Variants in ZCCHC14 observed in about 807,000 individuals in gnomAD.
The protein encoded by ZCCHC14 is zinc finger CCHC domain-containing protein 14.
Under a neutral mutation model 85.0 loss-of-function variants are expected in ZCCHC14, and 16 were observed. That is an observed-to-expected ratio of 0.19 (90% CI 0.13 to 0.29). The LOEUF (loss-of-function observed/expected upper bound fraction) is 0.29, where lower values mean the gene tolerates loss of function less well. Among genes scored for constraint, ZCCHC14 ranks in the 10% least tolerant of loss-of-function variants. The probability of loss-of-function intolerance (pLI) is 1.00; values close to 1 mark genes in which losing one functional copy is unlikely to be tolerated. For missense variants in ZCCHC14, 1,303 were observed against 1,443.5 expected (o/e 0.90, Z 1.58); for synonymous variants, 775 against 630.7 (o/e 1.23, Z -3.43).
intron 2 of ZCCHC14, among the ~76,000 whole-genome samples, chr16:87,437,398 G>C (rs1437387806): frequency 1.3e-5 from 2 of 149,246 alleles, no homozygotes; most frequent in African/African-American, 5.0e-5. Flanking sequence ...TCACCTGAGA[G>C]AGCAGAGCCA....
chr16:87,432,213 T>C lies in ZCCHC14; in HGVS notation c.768+915A>G, dbSNP rs112486257. 4.5e-3 allele frequency among the ~76,000 whole-genome samples: 678 copies of C among 152,180 alleles called. 7 individuals are homozygous for C. The highest frequency in any genetic ancestry group is 0.017 in the Middle Eastern group (5 of 294). On this transcript the variant is annotated intron_variant, in intron 3 of 12. Transcript: ENST00000671377. ...AAGAGCAGTCAGCACTCGATGCACA[T>C]GTGGTCCAAGGAGAATGTCCCCCTG...
At chr16:87,440,799 C>T (rs571620082) in intron 2 of ZCCHC14, among the ~76,000 whole-genome samples, 4 of 151,004 alleles carry the variant, frequency 2.6e-5, no homozygotes, top group African/African-American at 4.9e-5. Flanking sequence ...TTTGTAGACA[C>T]GGGGTTTCGC....
At chr16:87,457,712 CTT>C (rs1911044016) in intron 2 of ZCCHC14, among the ~76,000 whole-genome samples, 1 of 152,168 alleles carries the variant, frequency 6.6e-6, no homozygotes, top group South Asian at 2.1e-4. Flanking sequence ...AGAGAGAAAA[CTT>C]TATAGTAATA....
rs1416455459 is a variant in ZCCHC14 at position 87,417,677 on chromosome 16, G to GGGTGCTGCCCGT, written c.1154_1165dup (p.His385_His388dup). On this transcript the variant is annotated inframe_insertion, in exon 8 of 13. Transcript: ENST00000671377. The stretch of plus-strand genomic sequence containing the variant: ...AGGCAAGGGGGCGGCGGAGCCGGCC[G>GGGTGCTGCCCGT]GGTGCTGCCCGTGGTGCTGGGCTCC... The GGGTGCTGCCCGT allele has an allele frequency of 6.2e-7, 1 of 1,611,062 alleles. No homozygotes were observed. Among genetic ancestry groups the GGGTGCTGCCCGT allele is most frequent in the East Asian group, 2.2e-5 (1 of 44,830 alleles).
At chr16:87,481,053 C>G (rs372065240) in intron 1 of ZCCHC14, among the ~76,000 whole-genome samples, 65 of 152,140 alleles carry the variant, frequency 4.3e-4, no homozygotes, top group African/African-American at 1.5e-3. Flanking sequence ...TCCAATGACA[C>G]AAGGGAACTG....
At chr16:87,445,323 C>A (rs1021658495) in intron 2 of ZCCHC14, among the ~76,000 whole-genome samples, 2 of 152,176 alleles carry the variant, frequency 1.3e-5, no homozygotes, top group African/African-American at 4.8e-5. Context: ...CCTCAGCCTC[C>A]CAAAGTGCTG....
At chr16:87,450,089 G>T (rs1334730688) in intron 2 of ZCCHC14, among the ~76,000 whole-genome samples, 1 of 152,090 alleles carries the variant, frequency 6.6e-6, no homozygotes, top group Non-Finnish European at 1.5e-5. Flanking sequence ...TCCAGCAGAC[G>T]CCCCTTCTTC....
intron 1 of ZCCHC14, among the ~76,000 whole-genome samples, chr16:87,488,201 G>A (rs1300330377): frequency 2.0e-5 from 3 of 152,106 alleles, no homozygotes; most frequent in Non-Finnish European, 4.4e-5. Context: ...AATTATCACT[G>A]ACACAAAGAA....
At chr16:87,487,302 C>T (rs1912553117) in intron 1 of ZCCHC14, among the ~76,000 whole-genome samples, 1 of 152,064 alleles carries the variant, frequency 6.6e-6, no homozygotes. Context: ...TTTTTTAGTA[C>T]CCCCTTAAAA....
At chr16:87,462,895 C>G (rs1032787038) in intron 1 of ZCCHC14, among the ~76,000 whole-genome samples, 1 of 151,724 alleles carries the variant, frequency 6.6e-6, no homozygotes, top group Admixed American at 6.6e-5. Context: ...CATGGTGAAA[C>G]CCGTCTCTAC....
At position 87,408,716 on chromosome 16, in the gene ZCCHC14, G is replaced by A. The variant is rs142921841; in HGVS notation, c.*1564C>T. The A allele has an allele frequency of 2.0e-5, 3 of 152,546 alleles. No homozygotes were observed. Among genetic ancestry groups the A allele is most frequent in the Admixed American group, 6.5e-5 (1 of 15,300 alleles). 9.4% of individuals were successfully genotyped at this position (152,546 alleles called of 1,614,324 possible). On this transcript the variant is annotated 3_prime_UTR_variant, in exon 13 of 13. Transcript: ENST00000671377. Reference sequence around the variant, plus strand: ...AACAACTTTCTGCTTTAGTTTCTATGAAGTTAGGAACTGCTCTTCAAATTG... The same window carrying A: ...AACAACTTTCTGCTTTAGTTTCTATAAAGTTAGGAACTGCTCTTCAAATTG...
In ZCCHC14 at chr16:87,411,913, C is replaced by A. The variant is rs770379308; in HGVS notation, c.2808G>T (p.Ser936=). The A allele has an allele frequency of 1.9e-6, 3 of 1,589,770 alleles. No individual in the cohort carries two copies. The highest frequency in any genetic ancestry group is 2.3e-5 in the East Asian group (1 of 43,666). The part of the protein sequence containing the change: ...TSCGCSGSCG[S]SGLTVSYANY... ...TGGCGTAGCTGACAGTCAGGCCACT[C>A]GAGCCGCAGCTGCCGCTGCAGCCAC... The change falls in exon 12 of 13, where the codon TCG becomes TCT. Residue 936 remains serine (S), a synonymous_variant. Coordinates refer to ENST00000671377, the MANE Select transcript of ZCCHC14 (RefSeq NM_015144.3).
intron 2 of ZCCHC14, among the ~76,000 whole-genome samples, chr16:87,458,532 C>T (rs1034267546): frequency 6.6e-6 from 1 of 152,156 alleles, no homozygotes; most frequent in African/African-American, 2.4e-5. Flanking sequence ...CATACCATAC[C>T]GTGCTCATTA....
At chr16:87,490,630 C>A (rs1388086305) in intron 1 of ZCCHC14, among the ~76,000 whole-genome samples, 1 of 152,220 alleles carries the variant, frequency 6.6e-6, no homozygotes, top group African/African-American at 2.4e-5. Flanking sequence ...ACCTAACATT[C>A]CTTAAGGCAT....
rs145688985 is a variant in ZCCHC14 at position 87,443,733 on chromosome 16, T to C, written c.695-10532A>G. On this transcript the variant is annotated intron_variant, in intron 2 of 12. Transcript: ENST00000671377. ...GCCTGGGTGACAGAGTGAGATACTA[T>C]CTCAAAAACAAAAACCAAAAAAGCC... Among the ~76,000 whole-genome samples, 565 of 149,646 alleles carry C rather than the reference T, an allele frequency of 3.8e-3. 4 individuals are homozygous for C. Among genetic ancestry groups the C allele is most frequent in the African/African-American group, 0.013 (541 of 40,550 alleles).
At chr16:87,485,785 A>C (rs1912490506) in intron 1 of ZCCHC14, among the ~76,000 whole-genome samples, 1 of 152,158 alleles carries the variant, frequency 6.6e-6, no homozygotes, top group African/African-American at 2.4e-5. Flanking sequence ...CTGAAGTTTT[A>C]AGACTCATGT....
intron 3 of ZCCHC14, 113 bp from the exon 4 acceptor site, chr16:87,423,994 G>A: frequency 1.8e-6 from 2 of 1,083,798 alleles, no homozygotes; most frequent in Non-Finnish European, 2.7e-6. Context: ...AGCCCAGTGG[G>A]CCGTGCACCT....
chr16:87,412,031 T>C lies in ZCCHC14; in HGVS notation c.2690A>G (p.Asn897Ser). 1 of 1,608,826 alleles carries C rather than the reference T, an allele frequency of 6.2e-7. No individual in the cohort carries two copies. Among genetic ancestry groups the C allele is most frequent in the African/African-American group, 1.3e-5 (1 of 74,886 alleles). The change falls in exon 12 of 13, where the codon AAT becomes AGT. Residue 897 changes from asparagine (N) to serine (S), a missense_variant. Asn to Ser is a conservative substitution (Grantham distance 46, BLOSUM62 1). Coordinates refer to ENST00000671377, the MANE Select transcript of ZCCHC14 (RefSeq NM_015144.3). The part of the protein sequence containing the change: ...GGSTGNIPAS[N>S]PNHHHHHHHQ... ...GTGGTGGTGGTGGTGGTGGTTCGGA[T>C]TCGAGGCAGGAATGTTTCCTGTGGA...
chr16:87,453,693 G>C (rs758744403), intron 2 of ZCCHC14, among the ~76,000 whole-genome samples: 25 of 152,236 alleles, frequency 1.6e-4, no homozygotes, highest in Non-Finnish European at 3.2e-4. Context: ...CCTGTTGCAA[G>C]AGAGAAACAA....
Sources: allele counts gnomAD v4.1 joint callset (sites outside exome capture counted in the v4.1 genomes callset), GRCh38; gene constraint gnomAD v4.1.1; transcripts MANE v1.5; gene names NCBI Gene and HGNC (gene_info 2026-07-23, HGNC 2026-07-21).